CYTH1: variants seen among roughly 807,000 people sequenced by gnomAD.
CYTH1 encodes cytohesin 1, also known as cytohesin-1.
A neutral mutation model predicts 61.8 loss-of-function variants in CYTH1; 18 were observed. That is an observed-to-expected ratio of 0.29 (90% CI 0.20 to 0.43). CYTH1 has a LOEUF of 0.43. Ranked by LOEUF, CYTH1 falls within the 20% of genes least tolerant of loss-of-function variation. The pLI is 1.00. For synonymous variants in CYTH1, 174 were observed against 184.3 expected, an observed-to-expected ratio of 0.94 and a Z score of 0.45; for missense variants, 336 against 510.5, an observed-to-expected ratio of 0.66 and a Z score of 3.29.
chr17:78,765,683 T>A (rs1391105886), intron 1 of CYTH1, among the ~76,000 whole-genome samples: 1 of 152,160 alleles, frequency 6.6e-6, no homozygotes, highest in Admixed American at 6.5e-5. Flanking sequence ...GTCCCCCAGA[T>A]GGTCCCCCAG....
At chr17:78,745,566 T>A (rs2093356425) in intron 1 of CYTH1, among the ~76,000 whole-genome samples, 1 of 152,130 alleles carries the variant, frequency 6.6e-6, no homozygotes, top group Non-Finnish European at 1.5e-5. Flanking sequence ...ATGAAAAGAT[T>A]GTTAAAAGAT....
chr17:78,718,963 C>T (rs183833212), intron 1 of CYTH1, among the ~76,000 whole-genome samples: 1 of 152,326 alleles, frequency 6.6e-6, no homozygotes. Flanking sequence ...TGGAAGGCAG[C>T]GGGGGTACAA....
chr17:78,680,724 T>C (rs771005301), intron 12 of CYTH1, among the ~76,000 whole-genome samples: 6 of 152,170 alleles, frequency 3.9e-5, no homozygotes, highest in Non-Finnish European at 5.9e-5. Flanking sequence ...TGCTTGCCGC[T>C]GCCATTGCAG....
intron 1 of CYTH1, among the ~76,000 whole-genome samples, chr17:78,771,999 AG>A (rs1159977418): frequency 6.6e-6 from 1 of 152,202 alleles, no homozygotes; most frequent in African/African-American, 2.4e-5. Context: ...GCAGTTTCAG[AG>A]GATGTGGGAT....
At chr17:78,731,043 T>C (rs1395546718) in intron 1 of CYTH1, among the ~76,000 whole-genome samples, 3 of 152,162 alleles carry the variant, frequency 2.0e-5, no homozygotes, top group Non-Finnish European at 4.4e-5. Context: ...AAAGCAGAAT[T>C]TGACTTTTCT....
chr17:78,754,382 T>C (rs1284967632), intron 1 of CYTH1, among the ~76,000 whole-genome samples: 2 of 152,146 alleles, frequency 1.3e-5, no homozygotes, highest in Non-Finnish European at 2.9e-5. Context: ...CTCACTGTGT[T>C]GCCCAGGCTG....
intron 11 of CYTH1, among the ~76,000 whole-genome samples, chr17:78,682,436 T>TA (rs2092773449): frequency 6.6e-6 from 1 of 152,210 alleles, no homozygotes; most frequent in Non-Finnish European, 1.5e-5. Flanking sequence ...GTTGCCTTGA[T>TA]ACTCGGTAAA....
intron 11 of CYTH1, among the ~76,000 whole-genome samples, chr17:78,687,485 T>C (rs559668366): frequency 3.9e-5 from 6 of 152,336 alleles, no homozygotes; most frequent in South Asian, 2.1e-4. Context: ...TCTTCTAGCA[T>C]TGGCCAAGGT....
chr17:78,681,103 T>C (rs903729009), intron 11 of CYTH1, 61 bp from the exon 12 acceptor site: 1 of 1,553,526 alleles, frequency 6.4e-7, no homozygotes, highest in South Asian at 1.2e-5. Context: ...CACTGTCAGA[T>C]TCCTCGCCGG....
Position 78,676,117 on chromosome 17 carries a change from T to G in CYTH1, c.1171A>C (p.Lys391Gln). ...CAGTGTCGCTTCGTGGAGGAGACCT[T>G]CTTTTTCCGTGCTGCGAGCATTTCG... ...FYEMLAARKK[K>Q]VSSTKRH is the part of the protein sequence containing the mutation. Residue 391 changes from lysine (K) to glutamine (Q), a missense_variant, in exon 14 of 14, where the codon AAG becomes CAG. Physicochemically the swap from Lys to Gln is moderately conservative, Grantham distance 53. Coordinates refer to ENST00000446868, the MANE Select transcript of CYTH1 (RefSeq NM_004762.6). 1 of 1,611,044 alleles carries G rather than the reference T, an allele frequency of 6.2e-7. No homozygotes were observed. The highest frequency in any genetic ancestry group is 8.5e-7 in the Non-Finnish European group (1 of 1,178,850).
At chr17:78,739,743 T>TG (rs889253951) in intron 1 of CYTH1, among the ~76,000 whole-genome samples, 1 of 151,992 alleles carries the variant, frequency 6.6e-6, no homozygotes, top group African/African-American at 2.4e-5. Flanking sequence ...GGAGACCAGT[T>TG]GGGGGGCTGC....
intron 1 of CYTH1, among the ~76,000 whole-genome samples, chr17:78,716,197 C>T (rs1164890512): frequency 1.3e-5 from 2 of 152,146 alleles, no homozygotes; most frequent in African/African-American, 4.8e-5. Context: ...AATTTAAGAA[C>T]TTGGCAGCAC....
intron 6 of CYTH1, 57 bp downstream of exon 6, chr17:78,701,614 A>G (rs2093009816): frequency 6.6e-7 from 1 of 1,514,282 alleles, no homozygotes; most frequent in Non-Finnish European, 9.2e-7. Flanking sequence ...GGACAGACTC[A>G]TGATCAAAGG....
At chr17:78,774,869 T>C (rs114586041) in intron 1 of CYTH1, among the ~76,000 whole-genome samples, 38 of 152,332 alleles carry the variant, frequency 2.5e-4, no homozygotes, top group African/African-American at 8.4e-4. Flanking sequence ...CTCAAGATTA[T>C]GCCTGTGAGA....
chr17:78,690,918 C>T (rs1042792800), intron 11 of CYTH1, among the ~76,000 whole-genome samples: 5 of 151,784 alleles, frequency 3.3e-5, no homozygotes, highest in African/African-American at 9.7e-5. Context: ...CAGAAAATAG[C>T]GAGACAAATT....
chr17:78,707,682 ATTT>A (rs140347768), intron 3 of CYTH1, among the ~76,000 whole-genome samples: 2 of 141,854 alleles, frequency 1.4e-5, no homozygotes, highest in Admixed American at 7.1e-5. Context: ...CTCCAGTTCA[ATTT>A]TTTTTTTTTT....
intron 1 of CYTH1, among the ~76,000 whole-genome samples, chr17:78,738,731 C>T (rs2093330996): frequency 6.6e-6 from 1 of 152,132 alleles, no homozygotes; most frequent in Non-Finnish European, 1.5e-5. Context: ...CAGCCTGCAC[C>T]ATTTCAAAAC....
At chr17:78,707,094 A>G (rs2093075138) in intron 3 of CYTH1, among the ~76,000 whole-genome samples, 1 of 152,180 alleles carries the variant, frequency 6.6e-6, no homozygotes, top group Non-Finnish European at 1.5e-5. Flanking sequence ...TTTAAAATGG[A>G]AAGAGGGGAA....
rs1241965671 is a variant in CYTH1, at chr17:78,778,316, AAAAAG to A, written c.22+3881_22+3885del. On this transcript the variant is annotated intron_variant, in intron 1 of 13. Coordinates refer to ENST00000446868, the MANE Select transcript of CYTH1 (RefSeq NM_004762.6). Reference sequence around the variant, plus strand: ...CTGTCTCAAAAAAAAAAAAAAAAAAAAAAAGGGAAAAAAAATTAAGGTTTAAAAAG... The same window carrying A: ...CTGTCTCAAAAAAAAAAAAAAAAAAAGGAAAAAAAATTAAGGTTTAAAAAG... Among the ~76,000 whole-genome samples, 419 of 146,650 alleles carry A rather than the reference AAAAAG, an allele frequency of 2.9e-3. 6 individuals are homozygous for A. Among genetic ancestry groups the A allele is most frequent in the Non-Finnish European group, 5.3e-3 (349 of 66,464 alleles).
Sources: gnomAD v4.1 joint callset for allele counts (sites outside exome capture counted in the v4.1 genomes callset) on GRCh38, gnomAD v4.1.1 for gene constraint, MANE v1.5 for transcripts, NCBI Gene and HGNC (gene_info 2026-07-23, HGNC 2026-07-21) for gene names.